SMAP1: variants seen among roughly 807,000 people sequenced by gnomAD.
SMAP1 encodes small ArfGAP 1.
In SMAP1, 24 loss-of-function variants were observed where a neutral mutation model predicts 58.5. That is an observed-to-expected ratio of 0.41 (90% CI 0.30 to 0.58). The LOEUF (loss-of-function observed/expected upper bound fraction) is 0.58. Ranked by LOEUF, SMAP1 falls within the 20% of genes least tolerant of loss-of-function variation. The pLI, the probability that SMAP1 is intolerant of heterozygous loss-of-function variation, is 0.29. For synonymous variants in SMAP1, 216 were observed against 196.6 expected (o/e 1.10, Z -0.82); for missense variants, 563 against 566.3 (o/e 0.99, Z 0.06).
At chr6:70,680,167 G>C (rs1271191712) in intron 1 of SMAP1, among the ~76,000 whole-genome samples, 1 of 151,996 alleles carries the variant, frequency 6.6e-6, no homozygotes, top group Non-Finnish European at 1.5e-5. Context: ...CCTTACCTCA[G>C]ACCATTCACA....
chr6:70,821,747 C>A (rs1769900765), intron 6 of SMAP1, among the ~76,000 whole-genome samples: 1 of 152,118 alleles, frequency 6.6e-6, no homozygotes, highest in African/African-American at 2.4e-5. Context: ...TAACCATTTA[C>A]TACAATGCCC....
intron 3 of SMAP1, among the ~76,000 whole-genome samples, chr6:70,771,551 G>A (rs973857976): frequency 8.5e-5 from 13 of 152,176 alleles, no homozygotes; most frequent in Admixed American, 5.9e-4. Flanking sequence ...AGGACCCTCC[G>A]AGCCAGGTGT....
chr6:70,753,182 A>G (rs1452477154), intron 2 of SMAP1, among the ~76,000 whole-genome samples: 1 of 152,148 alleles, frequency 6.6e-6, no homozygotes, highest in East Asian at 1.9e-4. Context: ...AAAAATACCA[A>G]TTATTAGACA....
At chr6:70,749,832 T>C (rs770872449) in intron 2 of SMAP1, among the ~76,000 whole-genome samples, 8 of 152,188 alleles carry the variant, frequency 5.3e-5, no homozygotes, top group Non-Finnish European at 8.8e-5. Flanking sequence ...GAAGCCACAT[T>C]TATGAGGCTT....
At chr6:70,783,106 G>A (rs1286569210) in intron 4 of SMAP1, among the ~76,000 whole-genome samples, 1 of 152,262 alleles carries the variant, frequency 6.6e-6, no homozygotes, top group African/African-American at 2.4e-5. Context: ...GAACGATCAG[G>A]CAGCAGCATT....
At chr6:70,854,952 A>G (rs1430354197) in intron 8 of SMAP1, among the ~76,000 whole-genome samples, 2 of 152,104 alleles carry the variant, frequency 1.3e-5, no homozygotes, top group Non-Finnish European at 2.9e-5. Flanking sequence ...TTAGTTAGAA[A>G]TACTTAGCTG....
chr6:70,673,565 T>A (rs1336062992), intron 1 of SMAP1, among the ~76,000 whole-genome samples: 1 of 152,248 alleles, frequency 6.6e-6, no homozygotes, highest in African/African-American at 2.4e-5. Context: ...ACTTTTAAAG[T>A]GTAGTAATAT....
chr6:70,761,836 TA>T (rs1254564603), intron 3 of SMAP1, among the ~76,000 whole-genome samples: 1 of 152,090 alleles, frequency 6.6e-6, no homozygotes, highest in Non-Finnish European at 1.5e-5. Context: ...TATATAAAAA[TA>T]AAACTAAATT....
At chr6:70,685,619 C>T (rs1013185140) in intron 1 of SMAP1, among the ~76,000 whole-genome samples, 29 of 152,062 alleles carry the variant, frequency 1.9e-4, no homozygotes, top group Non-Finnish European at 3.7e-4. Context: ...ACTTAGTGGA[C>T]ATGCTTTGTA....
chr6:70,799,569 A>C (rs572992672), intron 6 of SMAP1, among the ~76,000 whole-genome samples: 2 of 152,282 alleles, frequency 1.3e-5, no homozygotes, highest in South Asian at 2.1e-4. Flanking sequence ...CCTTGATTTT[A>C]GTTGTTGAAA....
In SMAP1 at chr6:70,668,653, C is replaced by G. The variant is rs1350279020; in HGVS notation, c.118+512C>G. 10 of 1,528,818 alleles carry G rather than the reference C, an allele frequency of 6.5e-6. No individual in the cohort carries two copies. In the Admixed American group the frequency reaches 2.0e-4, roughly 30 times the overall value. The allele number at this position is 1,528,818 out of a possible 1,614,324, so 94.7% of individuals were successfully genotyped here. A position where few individuals can be genotyped will look rare whatever the true frequency, so the allele number is the denominator to read the frequency against. ...GATGGAGCCCTACCTGCCTGCCCAC[C>G]TGACAGCTTTTGTACAAGGCTTTTA... On this transcript the variant is annotated intron_variant, in intron 1 of 10. Transcript: ENST00000370455.
intron 1 of SMAP1, among the ~76,000 whole-genome samples, chr6:70,720,423 T>C (rs1768471041): frequency 6.6e-6 from 1 of 152,190 alleles, no homozygotes; most frequent in African/African-American, 2.4e-5. Context: ...TCTGGGCACA[T>C]AGTGCAGGCT....
intron 7 of SMAP1, among the ~76,000 whole-genome samples, chr6:70,842,991 A>G (rs765715411): frequency 5.3e-5 from 8 of 152,290 alleles, no homozygotes; most frequent in East Asian, 1.9e-4. Flanking sequence ...ACTAGTTGCA[A>G]GAGAGGCTAG....
Position 70,754,986 on chromosome 6 carries a change from C to A in SMAP1, c.259C>A (p.Gln87Lys), listed in dbSNP as rs1766427237. 1 of 1,606,548 alleles carries A rather than the reference C, an allele frequency of 6.2e-7. No individual in the cohort carries two copies. The highest frequency in any genetic ancestry group is 2.2e-5 in the East Asian group (1 of 44,632). The change falls in exon 3 of 11, where the codon CAA becomes AAA. Residue 87 changes from glutamine to lysine, a missense_variant. Around this residue, in one of 3 missense-constraint regions of SMAP1, gnomAD observed 494 missense variants for 473.8 expected, o/e 1.04. Coordinates refer to ENST00000370455, the MANE Select transcript of SMAP1 (RefSeq NM_001044305.3). Reference sequence around the variant, plus strand: ...AAAATTTTTTTTATTATAGTGCATGCAAGATATGGGAAATACTAAAGCAAG... The same window carrying A: ...AAAATTTTTTTTATTATAGTGCATGAAAGATATGGGAAATACTAAAGCAAG... ...QWTAEQIQCM[Q>K]DMGNTKARLL...
At chr6:70,725,463 C>T (rs1469749908) in intron 1 of SMAP1, among the ~76,000 whole-genome samples, 1 of 152,048 alleles carries the variant, frequency 6.6e-6, no homozygotes, top group African/African-American at 2.4e-5. Context: ...ATACCCGACC[C>T]ATAGTATAGC....
At chr6:70,749,007 T>G (rs953931718) in intron 2 of SMAP1, among the ~76,000 whole-genome samples, 1 of 152,266 alleles carries the variant, frequency 6.6e-6, no homozygotes, top group East Asian at 1.9e-4. Context: ...AGAAGAAAAT[T>G]GGCATATTAG....
At chr6:70,747,967 AT>A (rs1163194917) in intron 2 of SMAP1, among the ~76,000 whole-genome samples, 3 of 152,194 alleles carry the variant, frequency 2.0e-5, no homozygotes, top group Non-Finnish European at 4.4e-5. Flanking sequence ...TAAAAAAATA[AT>A]TAAAACAGAG....
intron 3 of SMAP1, among the ~76,000 whole-genome samples, chr6:70,759,188 A>G (rs1469141724): frequency 2.0e-5 from 3 of 152,126 alleles, no homozygotes; most frequent in Non-Finnish European, 2.9e-5. Flanking sequence ...AGCATGGTAG[A>G]AGGAAAAACA....
intron 10 of SMAP1, chr6:70,859,336 A>C (rs1771591303): frequency 6.5e-7 from 1 of 1,548,022 alleles, no homozygotes. Context: ...CAGATAATGC[A>C]GAAGGGTGAT....
Sources: gnomAD v4.1 joint callset for allele counts (sites outside exome capture counted in the v4.1 genomes callset) on GRCh38, gnomAD v4.1.1 for gene constraint, gnomAD v4.1.1 regional missense constraint, MANE v1.5 for transcripts, NCBI Gene and HGNC (gene_info 2026-07-23, HGNC 2026-07-21) for gene names.